Variants in DPP10 observed in about 807,000 individuals in gnomAD.
DPP10 encodes inactive dipeptidyl peptidase 10.
Under a neutral mutation model 120.9 loss-of-function variants are expected in DPP10, and 33 were observed. The ratio of observed to expected loss-of-function variants is 0.27; its 90% confidence interval spans 0.21 to 0.37. The LOEUF (loss-of-function observed/expected upper bound fraction) is 0.37, where lower values mean the gene tolerates loss of function less well. Ranked by LOEUF, DPP10 falls within the 10% of genes least tolerant of loss-of-function variation. DPP10 has a pLI of 1.00. For synonymous variants in DPP10, 337 were observed against 326.1 expected (o/e 1.03, Z -0.36); for missense variants, 816 against 942.8 (o/e 0.87, Z 1.76).
chr2:115,218,222 A>G lies in DPP10; in HGVS notation c.61-91017A>G, dbSNP rs986079107. ...ATGGCCTACATAAAATGCTTCTTTA[A>G]TCCCCTTGTAACTTTGCTGTAAAAA... On this transcript the variant is annotated intron_variant, in intron 1 of 25. Coordinates refer to ENST00000410059, the MANE Select transcript of DPP10 (RefSeq NM_020868.6). Among the ~76,000 whole-genome samples the G allele has an allele frequency of 2.6e-5, 4 of 152,288 alleles. No individual in the cohort carries two copies. The South Asian group carries it at 6.2e-4, about 24-fold the overall frequency.
intron 10 of DPP10, among the ~76,000 whole-genome samples, chr2:115,751,790 T>TG (rs1678746597): frequency 1.3e-5 from 1 of 79,170 alleles, no homozygotes; most frequent in African/African-American, 5.6e-5. Flanking sequence ...ATTAACTGTG[T>TG]TTTTTTTTTG....
chr2:115,376,154 CTTGT>C (rs2065778150), intron 3 of DPP10, among the ~76,000 whole-genome samples: 2 of 152,064 alleles, frequency 1.3e-5, no homozygotes, highest in East Asian at 1.9e-4. Context: ...CATTTGTCTG[CTTGT>C]TTGTTTGAAG....
intron 1 of DPP10, among the ~76,000 whole-genome samples, chr2:114,486,702 G>A (rs1023556894): frequency 6.6e-6 from 1 of 151,902 alleles, no homozygotes; most frequent in African/African-American, 2.4e-5. Flanking sequence ...TTTCTTTTCA[G>A]TGAAACTATA....
intron 1 of DPP10, among the ~76,000 whole-genome samples, chr2:115,215,710 A>G (rs1574040519): frequency 1.3e-5 from 2 of 152,316 alleles, no homozygotes; most frequent in Non-Finnish European, 2.9e-5. Context: ...AGATTTTTTC[A>G]AATAACCAAA....
intron 19 of DPP10, among the ~76,000 whole-genome samples, chr2:115,794,889 C>T (rs184468688): frequency 6.6e-6 from 1 of 152,086 alleles, no homozygotes; most frequent in Non-Finnish European, 1.5e-5. Flanking sequence ...TAATACCATA[C>T]ACGTCTACCA....
intron 1 of DPP10, among the ~76,000 whole-genome samples, chr2:114,871,752 CTT>C (rs1690706002): frequency 6.6e-6 from 1 of 152,108 alleles, no homozygotes; most frequent in South Asian, 2.1e-4. Context: ...CAGAACTGGT[CTT>C]TGGCCTGTTG....
At chr2:115,759,028 C>T (rs563288851) in intron 11 of DPP10, among the ~76,000 whole-genome samples, 1 of 152,102 alleles carries the variant, frequency 6.6e-6, no homozygotes, top group South Asian at 2.1e-4. Context: ...GCCAAAAAAT[C>T]ATTAATTATG....
intron 24 of DPP10, 76 bp downstream of exon 24, chr2:115,836,822 C>G (rs1689588545): frequency 2.9e-6 from 4 of 1,370,264 alleles, no homozygotes; most frequent in Non-Finnish European, 4.0e-6. Flanking sequence ...GACTTGCTTA[C>G]AGGAAGCCCT....
chr2:114,612,491 T>G (rs965066051), intron 1 of DPP10, among the ~76,000 whole-genome samples: 6 of 152,212 alleles, frequency 3.9e-5, no homozygotes, highest in African/African-American at 1.4e-4. Context: ...TGGCAACATT[T>G]CAATGTTTCT....
At chr2:114,858,135 G>A (rs942912563) in intron 1 of DPP10, among the ~76,000 whole-genome samples, 2 of 152,038 alleles carry the variant, frequency 1.3e-5, no homozygotes, top group African/African-American at 4.8e-5. Context: ...GACTACAGAT[G>A]CACGCCGCCA....
chr2:115,799,266 G>T (rs2149957478), intron 19 of DPP10, among the ~76,000 whole-genome samples: 1 of 151,772 alleles, frequency 6.6e-6, no homozygotes, highest in Non-Finnish European at 1.5e-5. Flanking sequence ...ATAAATCTAT[G>T]TTGCACAAAA....
At chr2:115,602,448 T>A (rs1207271730) in intron 5 of DPP10, among the ~76,000 whole-genome samples, 1 of 152,242 alleles carries the variant, frequency 6.6e-6, no homozygotes, top group Non-Finnish European at 1.5e-5. Flanking sequence ...TATTTATCGT[T>A]ACTTCTGTGT....
intron 21 of DPP10, among the ~76,000 whole-genome samples, chr2:115,833,426 G>A (rs938893880): frequency 2.6e-5 from 4 of 152,020 alleles, no homozygotes; most frequent in Non-Finnish European, 5.9e-5. Flanking sequence ...AACACCCTTC[G>A]CCCATCTTTA....
intron 1 of DPP10, among the ~76,000 whole-genome samples, chr2:115,142,414 G>A (rs148803550): frequency 6.6e-5 from 10 of 152,120 alleles, no homozygotes; most frequent in African/African-American, 2.2e-4. Flanking sequence ...AGCAATGTGC[G>A]CTCATAGATA....
At chr2:115,341,977 G>T (rs528955444) in intron 2 of DPP10, among the ~76,000 whole-genome samples, 3 of 152,246 alleles carry the variant, frequency 2.0e-5, no homozygotes, top group Admixed American at 2.0e-4. Context: ...CTGATTACTG[G>T]ATTGTATGAT....
chr2:114,980,991 A>ATTT lies in DPP10; in HGVS notation c.61-328237_61-328235dup, dbSNP rs10670062. Among the ~76,000 whole-genome samples the ATTT allele has an allele frequency of 4.7e-3, 684 of 145,190 alleles. 4 individuals carry two copies. Among genetic ancestry groups the ATTT allele is most frequent in the African/African-American group, 8.0e-3 (316 of 39,640 alleles). On this transcript the variant is annotated intron_variant, in intron 1 of 25. Coordinates refer to ENST00000410059, the MANE Select transcript of DPP10 (RefSeq NM_020868.6). The stretch of plus-strand genomic sequence containing the variant: ...CAGTTTTATCGAAATATGTTGTGTC[A>ATTT]TTTTTTTTTTTTTGTCCAAAACAAC...
chr2:115,243,295 T>TAACC (rs1448614841), intron 1 of DPP10, among the ~76,000 whole-genome samples: 2 of 152,128 alleles, frequency 1.3e-5, no homozygotes, highest in Non-Finnish European at 2.9e-5. Flanking sequence ...ATGGGCCCAT[T>TAACC]AACCCTACTG....
chr2:114,982,530 A>G (rs768444499), intron 1 of DPP10, among the ~76,000 whole-genome samples: 1 of 152,234 alleles, frequency 6.6e-6, no homozygotes, highest in Non-Finnish European at 1.5e-5. Context: ...TTTAAAATTA[A>G]TGAAGCTTCA....
intron 1 of DPP10, among the ~76,000 whole-genome samples, chr2:114,880,864 C>G (rs1266288718): frequency 1.3e-5 from 2 of 152,004 alleles, no homozygotes; most frequent in Non-Finnish European, 2.9e-5. Flanking sequence ...TGTATGCATT[C>G]GTATTGAAAA....
Sources: allele counts gnomAD v4.1 joint callset (sites outside exome capture counted in the v4.1 genomes callset), GRCh38; gene constraint gnomAD v4.1.1; transcripts MANE v1.5; gene names NCBI Gene and HGNC (gene_info 2026-07-23, HGNC 2026-07-21).